C19orf47: variants seen among roughly 807,000 people sequenced by gnomAD.
The protein encoded by C19orf47 is chromosome 19 open reading frame 47.
A neutral mutation model predicts 32.3 loss-of-function variants in C19orf47; 18 were observed. The ratio of observed to expected loss-of-function variants is 0.56; its 90% CI spans 0.39 to 0.83. The LOEUF (loss-of-function observed/expected upper bound fraction) is 0.83, where lower values mean the gene tolerates loss of function less well. Ranked by LOEUF, C19orf47 falls within the 40% of genes least tolerant of loss-of-function variation. The pLI is 0.00. For synonymous variants in C19orf47, 202 were observed against 211.1 expected (o/e 0.96, Z 0.37); for missense variants, 484 against 531.6 (o/e 0.91, Z 0.88).
At chr19:40,348,449 A>C, upstream of C19orf47, 1 of 1,500,914 alleles carries the variant, frequency 6.7e-7, no homozygotes, top group Non-Finnish European at 8.8e-7. Flanking sequence ...CCGGAAGCTG[A>C]ACTGACTCGT....
chr19:40,347,113 C>T (rs913157003), intron 1 of C19orf47, among the ~76,000 whole-genome samples: 2 of 152,066 alleles, frequency 1.3e-5, no homozygotes, highest in Admixed American at 6.6e-5. Context: ...AAAGGGAATA[C>T]GTAGTATTCC....
chr19:40,298,634 C>T, the C19orf47 span, among the ~76,000 whole-genome samples: 8 of 152,284 alleles, frequency 5.3e-5, no homozygotes, highest in Admixed American at 2.0e-4. Context: ...AGTTCAAAAT[C>T]GCTTACTTCC....
At chr19:40,307,291 C>T in the C19orf47 span, among the ~76,000 whole-genome samples, 1 of 151,892 alleles carries the variant, frequency 6.6e-6, no homozygotes, top group Non-Finnish European at 1.5e-5. Context: ...CTCTGTGTTT[C>T]ACCATGTTGG....
At chr19:40,346,321 T>C (rs1435603128) in intron 1 of C19orf47, among the ~76,000 whole-genome samples, 2 of 148,824 alleles carry the variant, frequency 1.3e-5, no homozygotes, top group Non-Finnish European at 3.0e-5. Flanking sequence ...TGGGCACCTG[T>C]AATCCTAGCT....
intron 5 of C19orf47, among the ~76,000 whole-genome samples, chr19:40,330,421 TG>T (rs2077926501): frequency 6.6e-6 from 1 of 151,736 alleles, no homozygotes; most frequent in African/African-American, 2.4e-5. Flanking sequence ...TTAGTAGAGA[TG>T]GGGTTTCACC....
At chr19:40,309,185 C>T in the C19orf47 span, among the ~76,000 whole-genome samples, 2 of 149,834 alleles carry the variant, frequency 1.3e-5, no homozygotes, top group Non-Finnish European at 3.0e-5. Flanking sequence ...CACTTTATTT[C>T]TCTCTCTCTT....
At chr19:40,316,318 T>G (rs1172131931), downstream of C19orf47, among the ~76,000 whole-genome samples, 1 of 152,244 alleles carries the variant, frequency 6.6e-6, no homozygotes, top group Non-Finnish European at 1.5e-5. Flanking sequence ...GGAAGGGATG[T>G]GTCCAGAGGT....
chr19:40,332,281 T>C (rs1273954602), intron 5 of C19orf47, among the ~76,000 whole-genome samples: 1 of 151,760 alleles, frequency 6.6e-6, no homozygotes, highest in Non-Finnish European at 1.5e-5. Context: ...TCACTTAACC[T>C]GGGAGGCAGA....
At chr19:40,343,137 C>T (rs1226077412) in intron 1 of C19orf47, among the ~76,000 whole-genome samples, 4 of 152,122 alleles carry the variant, frequency 2.6e-5, no homozygotes, top group Non-Finnish European at 5.9e-5. Context: ...CTACTTAGCC[C>T]TCTGCCTCTT....
At chr19:40,301,425 C>T in the C19orf47 span, among the ~76,000 whole-genome samples, 1 of 150,184 alleles carries the variant, frequency 6.7e-6, no homozygotes, top group Non-Finnish European at 1.5e-5. Context: ...ACTGCAACCT[C>T]CGCCTCCCAG....
At position 40,321,769 on chromosome 19, in the gene C19orf47, G is replaced by A; in HGVS notation, c.*113C>T. On this transcript the variant is annotated 3_prime_UTR_variant, in exon 9 of 9. Transcript: ENST00000683109. Reference sequence around the variant, plus strand: ...TCGGGCCTAGCTCTAGAGCCCGAGGGAGACAAGCTGTGTCATCCAGGAGCT... The same window carrying A: ...TCGGGCCTAGCTCTAGAGCCCGAGGAAGACAAGCTGTGTCATCCAGGAGCT... The A allele has an allele frequency of 1.4e-6, 2 of 1,439,628 alleles. No homozygotes were observed. The highest frequency in any genetic ancestry group is 1.5e-5 in the South Asian group (1 of 67,068). The allele number at this position is 1,439,628 out of a possible 1,614,324, so 89.2% of individuals were successfully genotyped here.
downstream of C19orf47, among the ~76,000 whole-genome samples, chr19:40,314,588 A>C (rs1035337002): frequency 6.6e-6 from 1 of 152,240 alleles, no homozygotes; most frequent in Non-Finnish European, 1.5e-5. Flanking sequence ...GTCCAAACTC[A>C]TAAAAATAAA....
At chr19:40,334,068 T>A in intron 4 of C19orf47, 139 bp from the exon 5 acceptor site, 1 of 557,180 alleles carries the variant, frequency 1.8e-6, no homozygotes, top group Non-Finnish European at 3.1e-6. Context: ...TAAGAAAGCA[T>A]CAGATACCTC....
chr19:40,296,222 T>C, the C19orf47 span, among the ~76,000 whole-genome samples: 4 of 152,210 alleles, frequency 2.6e-5, no homozygotes, highest in Admixed American at 1.3e-4. Flanking sequence ...TGCTATAAAC[T>C]TGTACTGCAT....
At chr19:40,310,677 T>C in the C19orf47 span, among the ~76,000 whole-genome samples, 6 of 152,120 alleles carry the variant, frequency 3.9e-5, no homozygotes, top group Admixed American at 3.9e-4. Flanking sequence ...TATAAAACAA[T>C]CTCCAAGGTA....
At chr19:40,340,471 A>G (rs996030482) in intron 2 of C19orf47, among the ~76,000 whole-genome samples, 8 of 151,562 alleles carry the variant, frequency 5.3e-5, no homozygotes, top group East Asian at 3.9e-4. Flanking sequence ...TCACGAGGTC[A>G]AGAGATCGAG....
At chr19:40,298,516 T>C in the C19orf47 span, among the ~76,000 whole-genome samples, 1 of 152,146 alleles carries the variant, frequency 6.6e-6, no homozygotes, top group Admixed American at 6.6e-5. Context: ...AAAGAAATAA[T>C]ATATTTGGGT....
chr19:40,345,130 G>A (rs2078247448), intron 1 of C19orf47, among the ~76,000 whole-genome samples: 1 of 152,090 alleles, frequency 6.6e-6, no homozygotes. Context: ...TTAAGTACTG[G>A]TATTCTCCCC....
chr19:40,297,051 A>C, the C19orf47 span, among the ~76,000 whole-genome samples: 1 of 152,224 alleles, frequency 6.6e-6, no homozygotes. Flanking sequence ...AACTGCTAGA[A>C]ATATAGGAAG....
Sources: allele counts gnomAD v4.1 joint callset (sites outside exome capture counted in the v4.1 genomes callset), GRCh38; gene constraint gnomAD v4.1.1; transcripts MANE v1.5; gene names NCBI Gene and HGNC (gene_info 2026-07-23, HGNC 2026-07-21).